MGAT4C: variants seen among roughly 807,000 people sequenced by gnomAD.
MGAT4C encodes the protein alpha-1,3-mannosyl-glycoprotein 4-beta-N-acetylglucosaminyltransferase C.
Under a neutral mutation model 40.1 loss-of-function variants are expected in MGAT4C, and 19 were observed. The ratio of observed to expected loss-of-function variants is 0.47; its 90% CI spans 0.33 to 0.70. The LOEUF (loss-of-function observed/expected upper bound fraction) is 0.70. Ranked by LOEUF, MGAT4C falls within the 30% of genes least tolerant of loss-of-function variation. The pLI is 0.02. For synonymous variants in MGAT4C, 181 were observed against 187.1 expected, an observed-to-expected ratio of 0.97 and a Z score of 0.27; for missense variants, 491 against 563.2, an observed-to-expected ratio of 0.87 and a Z score of 1.30.
At chr12:85,984,259 G>A (rs76061037) in intron 3 of MGAT4C, among the ~76,000 whole-genome samples, 3,680 of 152,192 alleles carry the variant, frequency 0.024, 157 homozygotes, top group African/African-American at 0.084. Flanking sequence ...CCAGTTATGG[G>A]TGCTATGGCA....
intron 2 of MGAT4C, among the ~76,000 whole-genome samples, chr12:86,636,774 T>C (rs530544720): frequency 6.6e-6 from 1 of 152,148 alleles, no homozygotes; most frequent in South Asian, 2.1e-4. Context: ...GTCAATCTTG[T>C]GTAAATTTGG....
intron 1 of MGAT4C, among the ~76,000 whole-genome samples, chr12:86,143,326 C>T (rs1459531539): frequency 6.6e-6 from 1 of 152,190 alleles, no homozygotes; most frequent in East Asian, 1.9e-4. Flanking sequence ...CCTGCTTTCA[C>T]AGCATGGCTT....
At chr12:86,140,529 G>A (rs896936620) in intron 1 of MGAT4C, among the ~76,000 whole-genome samples, 3 of 151,982 alleles carry the variant, frequency 2.0e-5, no homozygotes, top group African/African-American at 7.3e-5. Flanking sequence ...GTTAGAGGAG[G>A]GATAGCATTA....
chr12:86,755,008 G>A (rs865858597), intron 1 of MGAT4C, among the ~76,000 whole-genome samples: 1 of 151,838 alleles, frequency 6.6e-6, no homozygotes, highest in African/African-American at 2.4e-5. Flanking sequence ...TATCAACCTG[G>A]GTTAGGCTAT....
intron 2 of MGAT4C, chr12:86,028,166 C>A: frequency 7.8e-7 from 1 of 1,288,232 alleles, no homozygotes; most frequent in Non-Finnish European, 1.0e-6. Context: ...ACAAATCTGA[C>A]CATGTCCTTC....
intron 1 of MGAT4C, among the ~76,000 whole-genome samples, chr12:86,809,753 A>T (rs1952435384): frequency 6.6e-6 from 1 of 151,748 alleles, no homozygotes; most frequent in Non-Finnish European, 1.5e-5. Context: ...CTTTTTGTGT[A>T]TTCTAGACAC....
chr12:86,062,084 C>T lies in MGAT4C; in HGVS notation c.-56-12361G>A, dbSNP rs149856583. Among the ~76,000 whole-genome samples, 844 of 152,252 alleles carry T rather than the reference C, an allele frequency of 5.5e-3. 4 individuals carry two copies. Among genetic ancestry groups the T allele is most frequent in the Non-Finnish European group, 9.2e-3 (626 of 68,020 alleles). ...ACCCCCACGTATCCTGACTGGGAGACACCACCCAGTAGGGGCCAACAGACA... is the reference window on the plus strand; with the variant it reads ...ACCCCCACGTATCCTGACTGGGAGATACCACCCAGTAGGGGCCAACAGACA... On this transcript the variant is annotated intron_variant, in intron 1 of 4. Coordinates refer to ENST00000611864, the MANE Select transcript of MGAT4C (RefSeq NM_001351288.2).
At chr12:85,991,459 A>C (rs901026953) in intron 2 of MGAT4C, among the ~76,000 whole-genome samples, 8 of 151,234 alleles carry the variant, frequency 5.3e-5, no homozygotes, top group Middle Eastern at 3.2e-3. Flanking sequence ...TTCACTGGGG[A>C]CCCACCCCCT....
chr12:86,444,575 T>C lies in MGAT4C; in HGVS notation c.-228-9310A>G, dbSNP rs140272074. Among the ~76,000 whole-genome samples, 23 of 152,294 alleles carry C rather than the reference T, an allele frequency of 1.5e-4. No individual in the cohort carries two copies. The East Asian group carries it at 2.9e-3, about 19-fold the overall frequency. ...ATTCAAACACGGCAAAATAGAACAA[T>C]TGACTCTACCATATCGTTGCAAATC... is the stretch of plus-strand genomic sequence containing the variant. On this transcript the variant is annotated intron_variant, in intron 2 of 7. Coordinates refer to the MGAT4C transcript ENST00000548651.
chr12:86,080,389 G>A (rs1870603103), intron 1 of MGAT4C, among the ~76,000 whole-genome samples: 1 of 151,766 alleles, frequency 6.6e-6, no homozygotes, highest in African/African-American at 2.4e-5. Flanking sequence ...TATATTTTTA[G>A]CTTTTCTATT....
intron 2 of MGAT4C, among the ~76,000 whole-genome samples, chr12:86,032,097 CGTT>C (rs1282555125): frequency 2.6e-5 from 4 of 151,884 alleles, no homozygotes; most frequent in Non-Finnish European, 5.9e-5. Flanking sequence ...GACATAAACT[CGTT>C]GTTCCTTATG....
intron 3 of MGAT4C, among the ~76,000 whole-genome samples, chr12:86,365,624 TTGGCTTCAGC>T (rs1411429741): frequency 6.6e-6 from 1 of 152,020 alleles, no homozygotes; most frequent in East Asian, 1.9e-4. Context: ...TTCTTCTGCC[TTGGCTTCAGC>T]TGGTCCCTCC....
intron 1 of MGAT4C, among the ~76,000 whole-genome samples, chr12:86,066,093 AG>A (rs1343100521): frequency 6.6e-6 from 1 of 152,078 alleles, no homozygotes; most frequent in Admixed American, 6.5e-5. Flanking sequence ...TTCCTTGCTC[AG>A]GGAGAGGAAG....
intron 3 of MGAT4C, among the ~76,000 whole-genome samples, chr12:86,356,735 G>C (rs561175475): frequency 6.6e-6 from 1 of 151,992 alleles, no homozygotes; most frequent in African/African-American, 2.4e-5. Context: ...TAGCACTGCA[G>C]TCTGAGATCC....
upstream of MGAT4C, among the ~76,000 whole-genome samples, chr12:86,260,931 C>T (rs1382045712): frequency 9.9e-5 from 15 of 151,694 alleles, no homozygotes; most frequent in Admixed American, 3.3e-4. Context: ...AAGCTATATA[C>T]CTTTTTTTTC....
intron 1 of MGAT4C, among the ~76,000 whole-genome samples, chr12:86,055,289 A>C (rs1423497485): frequency 3.9e-5 from 6 of 152,118 alleles, no homozygotes; most frequent in Non-Finnish European, 7.4e-5. Flanking sequence ...AATGCCTAAG[A>C]TTAATTTCTG....
chr12:86,015,104 C>T (rs376755442), intron 2 of MGAT4C, among the ~76,000 whole-genome samples: 1 of 151,354 alleles, frequency 6.6e-6, no homozygotes. Context: ...CCACCACACC[C>T]GGCCTCTGTG....
intron 2 of MGAT4C, among the ~76,000 whole-genome samples, chr12:86,702,957 T>C (rs987815934): frequency 1.3e-5 from 2 of 152,176 alleles, no homozygotes; most frequent in African/African-American, 4.8e-5. Context: ...ACATTTATGA[T>C]TTGTGAATGG....
intron 1 of MGAT4C, among the ~76,000 whole-genome samples, chr12:86,831,773 T>C (rs1476362604): frequency 6.6e-6 from 1 of 151,804 alleles, no homozygotes; most frequent in African/African-American, 2.4e-5. Flanking sequence ...AGGTTCTACA[T>C]AGGCACAAGC....
Sources: gnomAD v4.1 joint callset for allele counts (sites outside exome capture counted in the v4.1 genomes callset) on GRCh38, gnomAD v4.1.1 for gene constraint, MANE v1.5 for transcripts, NCBI Gene and HGNC (gene_info 2026-07-23, HGNC 2026-07-21) for gene names.